Variants in RAP1A observed in about 807,000 individuals in gnomAD.
The protein encoded by RAP1A is ras-related protein Rap-1A.
Under a neutral mutation model 26.4 loss-of-function variants are expected in RAP1A, and 6 were observed. That is an observed-to-expected ratio of 0.23 (90% CI 0.12 to 0.45). RAP1A has a LOEUF of 0.45. Among genes scored for constraint, RAP1A ranks in the 20% least tolerant of loss-of-function variants. RAP1A has a pLI of 0.99. For missense variants in RAP1A, 121 were observed against 217.2 expected (o/e 0.56, Z 2.78); for synonymous variants, 73 against 79.4 (o/e 0.92, Z 0.43).
At chr1:111,711,988 T>C (rs1324890) in intron 7 of RAP1A, among the ~76,000 whole-genome samples, 47,338 of 152,054 alleles carry the variant, frequency 0.31, 7,701 homozygotes, top group East Asian at 0.47. Flanking sequence ...GTAATTCTAA[T>C]ATATAATCAT....
intron 1 of RAP1A, among the ~76,000 whole-genome samples, chr1:111,585,170 C>T (rs1658339925): frequency 6.6e-6 from 1 of 152,188 alleles, no homozygotes; most frequent in Admixed American, 6.5e-5. Context: ...GTCTGGACAC[C>T]TGCATTCCTC....
chr1:111,611,976 A>T (rs1003606933), intron 1 of RAP1A, among the ~76,000 whole-genome samples: 14 of 149,368 alleles, frequency 9.4e-5, no homozygotes, highest in Non-Finnish European at 1.8e-4. Flanking sequence ...ATATCCATAT[A>T]TTTGGGTTGT....
At chr1:111,651,856 C>T (rs1199910028) in intron 1 of RAP1A, among the ~76,000 whole-genome samples, 1 of 152,120 alleles carries the variant, frequency 6.6e-6, no homozygotes, top group African/African-American at 2.4e-5. Context: ...TCATGATCCA[C>T]CTACCTTGGC....
intron 1 of RAP1A, among the ~76,000 whole-genome samples, chr1:111,688,822 G>GTTTT (rs767753356): frequency 6.7e-5 from 6 of 90,114 alleles, no homozygotes; most frequent in Admixed American, 1.2e-4. Flanking sequence ...TTTTTTTTTT[G>GTTTT]TTTTTTTTTT....
chr1:111,593,353 T>C (rs1034019440), intron 1 of RAP1A, among the ~76,000 whole-genome samples: 2 of 152,240 alleles, frequency 1.3e-5, no homozygotes, highest in Non-Finnish European at 2.9e-5. Context: ...ATTCCCTTTC[T>C]GGTTATATGG....
intron 1 of RAP1A, among the ~76,000 whole-genome samples, chr1:111,623,580 T>A (rs1306189741): frequency 6.6e-6 from 1 of 152,130 alleles, no homozygotes; most frequent in African/African-American, 2.4e-5. Context: ...CTAATTTTTG[T>A]ATTTTTTTTT....
At chr1:111,615,541 T>A (rs1420144332), upstream of RAP1A, among the ~76,000 whole-genome samples, 2 of 152,054 alleles carry the variant, frequency 1.3e-5, no homozygotes, top group Non-Finnish European at 2.9e-5. Flanking sequence ...TAAATAGGAT[T>A]TAAAATTCAG....
chr1:111,699,775 T>A (rs1181229143), intron 4 of RAP1A, among the ~76,000 whole-genome samples: 1 of 152,032 alleles, frequency 6.6e-6, no homozygotes, highest in Non-Finnish European at 1.5e-5. Flanking sequence ...GGCCATCTCA[T>A]TTCCTTTAGT....
At chr1:111,547,891 G>A (rs1657097345) in intron 1 of RAP1A, among the ~76,000 whole-genome samples, 1 of 152,190 alleles carries the variant, frequency 6.6e-6, no homozygotes, top group African/African-American at 2.4e-5. Flanking sequence ...ATAAGCAGAT[G>A]CTATCATTCT....
At position 111,619,795 on chromosome 1, in the gene RAP1A, G is replaced by A; in HGVS notation, c.-167G>A. On this transcript the variant is annotated 5_prime_UTR_variant, in exon 1 of 8. Coordinates refer to ENST00000369709, the MANE Select transcript of RAP1A (RefSeq NM_002884.4). ...GCGTTCTGGAGGAGGCGCCGCCGCC[G>A]CTCCCGAGGCCCCTGCCGCCGCCGC... The A allele has an allele frequency of 2.5e-6, 1 of 398,326 alleles. No homozygotes were observed. Among genetic ancestry groups the A allele is most frequent in the South Asian group, 1.3e-4 (1 of 7,886 alleles). The allele number at this position is 398,326 out of a possible 1,614,324, so 24.7% of individuals were successfully genotyped here.
intron 1 of RAP1A, among the ~76,000 whole-genome samples, chr1:111,631,502 C>T (rs1364584270): frequency 6.6e-6 from 1 of 152,106 alleles, no homozygotes; most frequent in East Asian, 1.9e-4. Flanking sequence ...AGTTTTTTTA[C>T]AGGTGATGAA....
intron 1 of RAP1A, among the ~76,000 whole-genome samples, chr1:111,612,610 A>G (rs1658942987): frequency 6.6e-6 from 1 of 152,178 alleles, no homozygotes; most frequent in African/African-American, 2.4e-5. Flanking sequence ...GGCCATCAAG[A>G]AACCAACTGT....
intron 1 of RAP1A, among the ~76,000 whole-genome samples, chr1:111,544,592 A>T (rs1388792625): frequency 6.6e-6 from 1 of 152,148 alleles, no homozygotes; most frequent in Non-Finnish European, 1.5e-5. Flanking sequence ...CATTTTGTTT[A>T]TCCCCTTATC....
intron 1 of RAP1A, among the ~76,000 whole-genome samples, chr1:111,620,749 G>A (rs987675160): frequency 6.6e-6 from 1 of 152,138 alleles, no homozygotes; most frequent in African/African-American, 2.4e-5. Flanking sequence ...AAGAGGTCAC[G>A]GTGTGATTCT....
intron 1 of RAP1A, among the ~76,000 whole-genome samples, chr1:111,555,844 T>C (rs181890539): frequency 1.6e-3 from 239 of 152,244 alleles, no homozygotes; most frequent in Non-Finnish European, 3.1e-3. Flanking sequence ...CTTCACAGCA[T>C]TGGATTTGGC....
intron 1 of RAP1A, among the ~76,000 whole-genome samples, chr1:111,652,297 A>G (rs374843256): frequency 3.3e-5 from 5 of 152,178 alleles, no homozygotes; most frequent in East Asian, 3.8e-4. Flanking sequence ...TCTTGTATTC[A>G]TAGACCCTGT....
intron 1 of RAP1A, among the ~76,000 whole-genome samples, chr1:111,575,545 G>T (rs1658131756): frequency 6.6e-6 from 1 of 152,164 alleles, no homozygotes; most frequent in Non-Finnish European, 1.5e-5. Context: ...TGGGCTAAAT[G>T]AATTGTGTCC....
chr1:111,636,782 A>G (rs955807822), intron 1 of RAP1A, among the ~76,000 whole-genome samples: 3 of 152,176 alleles, frequency 2.0e-5, no homozygotes, highest in African/African-American at 7.2e-5. Flanking sequence ...CCAACCAAGA[A>G]ATGTAAATCT....
Position 111,571,923 on chromosome 1 carries a change from G to T in RAP1A, c.-28+29414G>T, listed in dbSNP as rs187878038. On this transcript the variant is annotated intron_variant, in intron 1 of 7. Coordinates refer to the RAP1A transcript ENST00000356415. ...TTTCCCAGATTTAGCTAATTATGAGGCTCTCTGATTACTCCTTATTCCCTG... is the reference window on the plus strand; with the variant it reads ...TTTCCCAGATTTAGCTAATTATGAGTCTCTCTGATTACTCCTTATTCCCTG... 2.0e-5 allele frequency among the ~76,000 whole-genome samples: 3 copies of T among 152,160 alleles called. No individual in the cohort carries two copies. In the South Asian group the frequency reaches 6.2e-4, roughly 31 times the overall value.
Sources: gnomAD v4.1 joint callset for allele counts (sites outside exome capture counted in the v4.1 genomes callset) on GRCh38, gnomAD v4.1.1 for gene constraint, MANE v1.5 for transcripts, NCBI Gene and HGNC (gene_info 2026-07-23, HGNC 2026-07-21) for gene names.